Variants in SHISA9 observed in about 807,000 individuals in gnomAD.
SHISA9 encodes shisa family member 9.
Under a neutral mutation model 38.0 loss-of-function variants are expected in SHISA9, and 13 were observed. The ratio of observed to expected loss-of-function variants is 0.34; its 90% CI spans 0.22 to 0.54. The LOEUF is 0.54. Ranked by LOEUF, SHISA9 falls within the 20% of genes least tolerant of loss-of-function variation. The pLI, the probability that SHISA9 is intolerant of heterozygous loss-of-function variation, is 0.91. For synonymous variants in SHISA9, 275 were observed against 242.0 expected (o/e 1.14, Z -1.27); for missense variants, 538 against 575.8 (o/e 0.93, Z 0.67).
the SHISA9 span, among the ~76,000 whole-genome samples, chr16:13,546,706 C>G: frequency 6.6e-6 from 1 of 152,158 alleles, no homozygotes. Context: ...AAATCCAGCC[C>G]AATTCCTGTT....
At chr16:13,200,440 ACAGCAGCAG>A (rs771736127) in intron 2 of SHISA9, among the ~76,000 whole-genome samples, 2 of 150,036 alleles carry the variant, frequency 1.3e-5, no homozygotes, top group Non-Finnish European at 3.0e-5. Flanking sequence ...ACACACACAC[ACAGCAGCAG>A]CAGCAGCAGC....
intron 4 of SHISA9, 127 bp downstream of exon 4, chr16:13,213,427 T>A: frequency 1.3e-6 from 1 of 796,778 alleles, no homozygotes; most frequent in Non-Finnish European, 2.0e-6. Context: ...GGGTGGCATC[T>A]GCAAGTCCGT....
At chr16:13,489,725 C>G in the SHISA9 span, among the ~76,000 whole-genome samples, 1 of 152,214 alleles carries the variant, frequency 6.6e-6, no homozygotes, top group Non-Finnish European at 1.5e-5. Flanking sequence ...ATTACCCAGT[C>G]TCAGGTATGT....
the SHISA9 span, among the ~76,000 whole-genome samples, chr16:13,532,485 G>A: frequency 1.3e-5 from 2 of 152,098 alleles, no homozygotes; most frequent in African/African-American, 4.8e-5. Context: ...CCCTGTGGCC[G>A]TGGGCAGGTT....
At chr16:12,956,920 AG>A (rs1449205715) in intron 2 of SHISA9, among the ~76,000 whole-genome samples, 1 of 152,188 alleles carries the variant, frequency 6.6e-6, no homozygotes, top group Non-Finnish European at 1.5e-5. Context: ...ACCTAGATAA[AG>A]TTATAGATAT....
At chr16:13,041,126 C>G (rs1877922768) in intron 2 of SHISA9, among the ~76,000 whole-genome samples, 1 of 152,200 alleles carries the variant, frequency 6.6e-6, no homozygotes, top group Admixed American at 6.5e-5. Context: ...GAACCTTCGC[C>G]TCCCAACATC....
the SHISA9 span, among the ~76,000 whole-genome samples, chr16:13,515,064 A>T: frequency 6.6e-6 from 1 of 152,210 alleles, no homozygotes; most frequent in Non-Finnish European, 1.5e-5. Flanking sequence ...TAAAGAAAAA[A>T]GTCTGTCAAC....
At chr16:13,268,479 A>G in the SHISA9 span, among the ~76,000 whole-genome samples, 1 of 152,126 alleles carries the variant, frequency 6.6e-6, no homozygotes. Flanking sequence ...ATTGCACTCC[A>G]TCCTGGGTGA....
At chr16:13,181,379 G>A (rs2050778369) in intron 2 of SHISA9, among the ~76,000 whole-genome samples, 1 of 148,290 alleles carries the variant, frequency 6.7e-6, no homozygotes, top group Admixed American at 6.8e-5. Context: ...ATCAAGAGAA[G>A]TGAGAACATT....
the SHISA9 span, among the ~76,000 whole-genome samples, chr16:13,354,495 A>G: frequency 1.3e-5 from 2 of 151,374 alleles, no homozygotes; most frequent in Non-Finnish European, 2.9e-5. Context: ...GAGACTCAAC[A>G]AAGAGTGAGT....
intron 2 of SHISA9, among the ~76,000 whole-genome samples, chr16:13,106,249 C>A (rs1291229123): frequency 3.3e-5 from 5 of 152,182 alleles, no homozygotes; most frequent in African/African-American, 1.2e-4. Flanking sequence ...GCTGGTACAT[C>A]TGCCTCCCTT....
intron 1 of SHISA9, among the ~76,000 whole-genome samples, chr16:12,914,597 TCACAAC>T (rs1276780699): frequency 6.6e-6 from 1 of 152,094 alleles, no homozygotes; most frequent in Non-Finnish European, 1.5e-5. Context: ...TTGTGGCTTC[TCACAAC>T]GCAGCTGTTG....
the SHISA9 span, among the ~76,000 whole-genome samples, chr16:13,467,628 C>A: frequency 6.6e-6 from 1 of 152,168 alleles, no homozygotes; most frequent in Non-Finnish European, 1.5e-5. Flanking sequence ...TTCCATCTCT[C>A]GGAAGAACCC....
intron 2 of SHISA9, among the ~76,000 whole-genome samples, chr16:13,124,748 T>C (rs1390955516): frequency 2.0e-5 from 3 of 152,146 alleles, no homozygotes; most frequent in African/African-American, 7.2e-5. Flanking sequence ...CAAAATAGCA[T>C]GGCACTGGCA....
chr16:13,282,628 T>C, the SHISA9 span, among the ~76,000 whole-genome samples: 1 of 152,098 alleles, frequency 6.6e-6, no homozygotes, highest in Non-Finnish European at 1.5e-5. Context: ...ACTACATGTA[T>C]GTCAGATCAT....
intron 4 of SHISA9, among the ~76,000 whole-genome samples, chr16:13,232,684 T>G (rs895441163): frequency 1.2e-4 from 18 of 152,080 alleles, no homozygotes; most frequent in Middle Eastern, 3.2e-3. Context: ...AATGGGACAA[T>G]TCGAAGGGGA....
At chr16:13,551,226 A>G in the SHISA9 span, among the ~76,000 whole-genome samples, 1 of 152,258 alleles carries the variant, frequency 6.6e-6, no homozygotes, top group South Asian at 2.1e-4. Flanking sequence ...ATACACTCCT[A>G]CAAACACACA....
chr16:13,443,858 A>G, the SHISA9 span, among the ~76,000 whole-genome samples: 1 of 151,936 alleles, frequency 6.6e-6, no homozygotes, highest in African/African-American at 2.4e-5. Context: ...CTCTTATGGG[A>G]TCATCTGGAC....
chr16:13,097,552 C>T (rs1234767493), intron 2 of SHISA9, among the ~76,000 whole-genome samples: 1 of 152,080 alleles, frequency 6.6e-6, no homozygotes, highest in Non-Finnish European at 1.5e-5. Flanking sequence ...AGGTTTGTGC[C>T]ATCATGCCCA....
Sources: gnomAD v4.1 joint callset for allele counts (sites outside exome capture counted in the v4.1 genomes callset) on GRCh38, gnomAD v4.1.1 for gene constraint, MANE v1.5 for transcripts, NCBI Gene and HGNC (gene_info 2026-07-23, HGNC 2026-07-21) for gene names.